The following TUSC3 variants were observed in gnomAD, a reference collection of about 807,000 sequenced individuals.
TUSC3 encodes the protein dolichyl-diphosphooligosaccharide--protein glycosyltransferase subunit TUSC3.
Under a neutral mutation model 44.8 loss-of-function variants are expected in TUSC3, and 45 were observed. The observed-to-expected ratio is 1.00, with a 90% CI of 0.79 to 1.29. The LOEUF (loss-of-function observed/expected upper bound fraction) is 1.29, where lower values mean the gene tolerates loss of function less well. Among genes scored for constraint, TUSC3 ranks in the 50% most tolerant of loss-of-function variants. The pLI, the probability that TUSC3 is intolerant of heterozygous loss-of-function variation, is 0.00. For missense variants in TUSC3, 519 were observed against 437.9 expected (o/e 1.19, Z -1.65); for synonymous variants, 212 against 152.9 (o/e 1.39, Z -2.85).
intron 2 of TUSC3, among the ~76,000 whole-genome samples, chr8:15,510,523 G>A (rs922684692): frequency 2.0e-5 from 3 of 152,058 alleles, no homozygotes; most frequent in East Asian, 1.9e-4. Flanking sequence ...AGATAATTAC[G>A]GGAGCTCACC....
intron 1 of TUSC3, among the ~76,000 whole-genome samples, chr8:15,569,161 T>C (rs1259859216): frequency 6.6e-6 from 1 of 152,182 alleles, no homozygotes; most frequent in Non-Finnish European, 1.5e-5. Context: ...TATAGTCTTA[T>C]AATTGTTGAA....
At position 15,585,570 on chromosome 8, in the gene TUSC3, G is replaced by A. The variant is rs186780011; in HGVS notation, c.139-37510G>A. Among the ~76,000 whole-genome samples, 21 of 152,266 alleles carry A rather than the reference G, an allele frequency of 1.4e-4. No homozygotes were observed. The East Asian group carries it at 3.1e-3, about 22-fold the overall frequency. ...GGGCTGGGCATCTCATTTGCATAAA[G>A]CGTGAATTTCTTGTAGCTCCACCCT... On this transcript the variant is annotated intron_variant, in intron 1 of 10. Coordinates refer to ENST00000503731, the MANE Select transcript of TUSC3 (RefSeq NM_006765.4).
chr8:15,452,357 T>A (rs1247176966), intron 1 of TUSC3, among the ~76,000 whole-genome samples: 2 of 152,120 alleles, frequency 1.3e-5, no homozygotes, highest in Non-Finnish European at 2.9e-5. Flanking sequence ...AATTTGTAAA[T>A]TAAATAGCAA....
rs1302951149 is a variant in TUSC3 at position 15,540,473 on chromosome 8, C to A, written c.43C>A (p.Arg15=). The A allele has an allele frequency of 2.5e-6, 4 of 1,606,626 alleles. No individual in the cohort carries two copies. Among genetic ancestry groups the A allele is most frequent in the African/African-American group, 2.7e-5 (2 of 74,150 alleles). The change falls in exon 1 of 11, where the codon CGG becomes AGG. Residue 15 remains arginine (R), a synonymous_variant. Coordinates refer to ENST00000503731, the MANE Select transcript of TUSC3 (RefSeq NM_006765.4). ...GAPSRRRQAG[R]RLRYLPTGSF... is the part of the protein sequence containing the mutation. ...TCCTTCACGCCGTAGGCAAGCGGGG[C>A]GGCGGCTGCGGTACCTGCCCACCGG...
At chr8:15,566,775 C>T (rs1193256463) in intron 1 of TUSC3, among the ~76,000 whole-genome samples, 1 of 152,058 alleles carries the variant, frequency 6.6e-6, no homozygotes, top group East Asian at 1.9e-4. Flanking sequence ...AGGCACGTGT[C>T]ATCATGACTG....
rs565315913 is a variant in TUSC3, at chr8:15,572,773, C to T, written c.138+32205C>T. 2.0e-5 allele frequency among the ~76,000 whole-genome samples: 3 copies of T among 152,172 alleles called. No individual in the cohort carries two copies. In the East Asian group the frequency reaches 5.8e-4, roughly 29 times the overall value. ...GTTTTTATGCTTTAGGCAATAGGAACGTGTGAGAAGAGTGGAGGTGGGGAA... is the reference window on the plus strand; with the variant it reads ...GTTTTTATGCTTTAGGCAATAGGAATGTGTGAGAAGAGTGGAGGTGGGGAA... On this transcript the variant is annotated intron_variant, in intron 1 of 10. Transcript: ENST00000503731.
At chr8:15,685,012 G>C (rs1396204603) in intron 6 of TUSC3, among the ~76,000 whole-genome samples, 1 of 152,192 alleles carries the variant, frequency 6.6e-6, no homozygotes, top group South Asian at 2.1e-4. Flanking sequence ...CTCTCTTGCA[G>C]CCTAGCAGAC....
the TUSC3 span, among the ~76,000 whole-genome samples, chr8:15,809,673 T>A: frequency 1.4e-4 from 21 of 152,336 alleles, no homozygotes; most frequent in African/African-American, 4.6e-4. Context: ...ATGAATGTAG[T>A]TTCTCTCTCT....
intron 3 of TUSC3, chr8:15,651,127 G>A: frequency 3.2e-6 from 1 of 309,684 alleles, no homozygotes. Context: ...TCATTGTACA[G>A]GTTTTTGCCA....
At chr8:15,785,083 G>T in the TUSC3 span, among the ~76,000 whole-genome samples, 1 of 151,972 alleles carries the variant, frequency 6.6e-6, no homozygotes, top group East Asian at 1.9e-4. Flanking sequence ...AGGATAATGT[G>T]TTAATCCACT....
intron 8 of TUSC3, among the ~76,000 whole-genome samples, chr8:15,744,960 C>T (rs1811344269): frequency 1.3e-5 from 2 of 152,044 alleles, no homozygotes; most frequent in African/African-American, 4.8e-5. Flanking sequence ...ACTCCATCCC[C>T]ACTCTAGTCG....
At chr8:15,498,521 C>T (rs1800912810) in intron 2 of TUSC3, among the ~76,000 whole-genome samples, 1 of 152,160 alleles carries the variant, frequency 6.6e-6, no homozygotes, top group African/African-American at 2.4e-5. Flanking sequence ...CCCAAGGATC[C>T]TAGCGATGAA....
chr8:15,806,269 G>A, the TUSC3 span: 1 of 616,904 alleles, frequency 1.6e-6, no homozygotes, highest in Non-Finnish European at 3.1e-6. Context: ...GGCAGTCTGG[G>A]GATGTTCTCA....
intron 6 of TUSC3, among the ~76,000 whole-genome samples, chr8:15,695,586 C>G (rs1393172810): frequency 6.6e-6 from 1 of 152,142 alleles, no homozygotes; most frequent in Non-Finnish European, 1.5e-5. Context: ...GACTTTGGAA[C>G]TTGGTAACAG....
At chr8:15,809,379 C>G in the TUSC3 span, among the ~76,000 whole-genome samples, 2 of 152,106 alleles carry the variant, frequency 1.3e-5, no homozygotes, top group Non-Finnish European at 2.9e-5. Flanking sequence ...CTATAATTAT[C>G]CTTGCCTATC....
chr8:15,654,998 A>G (rs1358821623), intron 3 of TUSC3, among the ~76,000 whole-genome samples: 1 of 152,140 alleles, frequency 6.6e-6, no homozygotes, highest in East Asian at 1.9e-4. Flanking sequence ...GGAAAATAAT[A>G]GTACCTTTCT....
chr8:15,572,691 C>T (rs1273526762), intron 1 of TUSC3, among the ~76,000 whole-genome samples: 1 of 152,142 alleles, frequency 6.6e-6, no homozygotes, highest in Non-Finnish European at 1.5e-5. Flanking sequence ...TGTGACTCTG[C>T]ATTTCACTTG....
At chr8:15,530,169 T>C (rs1259422989) in intron 2 of TUSC3, among the ~76,000 whole-genome samples, 1 of 152,038 alleles carries the variant, frequency 6.6e-6, no homozygotes, top group Non-Finnish European at 1.5e-5. Context: ...CTTTGCTCTC[T>C]GGTAGTCTGT....
rs116465582 is a variant in TUSC3, at chr8:15,663,589, C to G, written c.708+1293C>G. Among the ~76,000 whole-genome samples the G allele has an allele frequency of 4.1e-3, 626 of 151,880 alleles. 5 individuals are homozygous for G. The highest frequency in any genetic ancestry group is 0.014 in the African/African-American group (596 of 41,480). On this transcript the variant is annotated intron_variant, in intron 5 of 10. Transcript: ENST00000503731. Reference sequence around the variant, plus strand: ...ATTCAGACAGAACCTCTGTGGCTTTCTAGTACATAGTCAAAATACAAATTA... The same window carrying G: ...ATTCAGACAGAACCTCTGTGGCTTTGTAGTACATAGTCAAAATACAAATTA...
Sources: allele counts gnomAD v4.1 joint callset (sites outside exome capture counted in the v4.1 genomes callset), GRCh38; gene constraint gnomAD v4.1.1; transcripts MANE v1.5; gene names NCBI Gene and HGNC (gene_info 2026-07-23, HGNC 2026-07-21).